UST: variants seen among roughly 807,000 people sequenced by gnomAD.
UST encodes the protein uronyl 2-sulfotransferase, also known as chondroitin sulfate 2-O-sulfotransferase.
In UST, 21 loss-of-function variants were observed where a neutral mutation model predicts 45.6. The ratio of observed to expected loss-of-function variants is 0.46; its 90% CI spans 0.33 to 0.66. The LOEUF (loss-of-function observed/expected upper bound fraction) is 0.66. Among genes scored for constraint, UST ranks in the 30% least tolerant of loss-of-function variants. The pLI, the probability that UST is intolerant of heterozygous loss-of-function variation, is 0.02. For missense variants in UST, 463 were observed against 512.4 expected, an observed-to-expected ratio of 0.90 and a Z score of 0.93; for synonymous variants, 215 against 200.6, an observed-to-expected ratio of 1.07 and a Z score of -0.61.
At chr6:149,058,777 A>G (rs1776609328) in intron 7 of UST, among the ~76,000 whole-genome samples, 1 of 152,230 alleles carries the variant, frequency 6.6e-6, no homozygotes, top group Non-Finnish European at 1.5e-5. Flanking sequence ...TTTTTTTAGA[A>G]GTAGATATTT....
intron 1 of UST, among the ~76,000 whole-genome samples, chr6:148,820,968 CTTT>C (rs71007920): frequency 5.5e-5 from 5 of 91,226 alleles, no homozygotes; most frequent in Non-Finnish European, 1.0e-4. Flanking sequence ...TTTTTAATTC[CTTT>C]TTTTTTTTTT....
chr6:148,747,829 G>T (rs1204283613), intron 1 of UST, 152 bp downstream of exon 1: 9 of 1,066,768 alleles, frequency 8.4e-6, no homozygotes, highest in Admixed American at 4.1e-5. Context: ...TCTGTGCCGC[G>T]GTCGGGAGCG....
chr6:148,946,724 T>G (rs4895776), intron 3 of UST, among the ~76,000 whole-genome samples: 68,926 of 140,736 alleles, frequency 0.49, 18,154 homozygotes, highest in African/African-American at 0.73. Flanking sequence ...TGAGGCAGGA[T>G]AATGGCCTGA....
chr6:149,040,552 G>A (rs1015462769), intron 7 of UST, among the ~76,000 whole-genome samples: 1 of 152,178 alleles, frequency 6.6e-6, no homozygotes, highest in African/African-American at 2.4e-5. Flanking sequence ...CTACTCGGGA[G>A]GCTGAGGCAG....
chr6:148,993,896 A>T (rs1158445515), intron 5 of UST, among the ~76,000 whole-genome samples: 1 of 150,484 alleles, frequency 6.6e-6, no homozygotes, highest in African/African-American at 2.5e-5. Flanking sequence ...CAGCCTGCAG[A>T]TCACTGGGTC....
intron 1 of UST, among the ~76,000 whole-genome samples, chr6:148,864,380 T>C (rs6915677): frequency 0.39 from 59,220 of 152,164 alleles, 13,896 homozygotes; most frequent in African/African-American, 0.66. Context: ...GGGAGTGACC[T>C]GATTTTCCAG....
At chr6:148,868,654 T>C (rs1778492024) in intron 1 of UST, among the ~76,000 whole-genome samples, 1 of 152,156 alleles carries the variant, frequency 6.6e-6, no homozygotes, top group Non-Finnish European at 1.5e-5. Flanking sequence ...TTCAGAATCA[T>C]ACTACAAGTG....
intron 7 of UST, among the ~76,000 whole-genome samples, chr6:149,037,196 G>C (rs1562336169): frequency 1.3e-5 from 2 of 152,156 alleles, no homozygotes; most frequent in African/African-American, 4.8e-5. Flanking sequence ...TGCTCCGGTA[G>C]CAGGAGCAGC....
At chr6:148,747,803 G>C in intron 1 of UST, 126 bp downstream of exon 1, 1 of 1,254,396 alleles carries the variant, frequency 8.0e-7, no homozygotes, top group East Asian at 3.1e-5. Context: ...CTCTCCAGGT[G>C]CTAAGCCCGT....
intron 1 of UST, among the ~76,000 whole-genome samples, chr6:148,783,022 CTTATT>C (rs1359781139): frequency 6.6e-6 from 1 of 152,160 alleles, no homozygotes; most frequent in Non-Finnish European, 1.5e-5. Flanking sequence ...TCGTTGTTGT[CTTATT>C]TTAAGAAAGT....
chr6:148,825,820 G>A (rs779071877), intron 1 of UST, among the ~76,000 whole-genome samples: 1 of 152,196 alleles, frequency 6.6e-6, no homozygotes, highest in Non-Finnish European at 1.5e-5. Flanking sequence ...CTAGAATAAT[G>A]TGGCATCTGG....
chr6:148,941,704 C>T (rs1336191899), intron 3 of UST, among the ~76,000 whole-genome samples: 4 of 152,152 alleles, frequency 2.6e-5, no homozygotes, highest in Admixed American at 2.0e-4. Context: ...CTAAAATTAG[C>T]GATATATACA....
chr6:148,781,567 A>T (rs1211698422), intron 1 of UST, among the ~76,000 whole-genome samples: 1 of 152,102 alleles, frequency 6.6e-6, no homozygotes, highest in African/African-American at 2.4e-5. Flanking sequence ...CATCTAGGAG[A>T]TCTAGCTAGG....
intron 1 of UST, among the ~76,000 whole-genome samples, chr6:148,880,344 C>G (rs1189153666): frequency 6.6e-6 from 1 of 152,196 alleles, no homozygotes; most frequent in Non-Finnish European, 1.5e-5. Context: ...CCAGCTGAGA[C>G]CCAGGTGTAG....
chr6:148,910,217 C>T (rs1254433696), intron 2 of UST, among the ~76,000 whole-genome samples: 1 of 148,464 alleles, frequency 6.7e-6, no homozygotes, highest in East Asian at 2.0e-4. Flanking sequence ...CTTGGCTCAC[C>T]ACAACCTCCG....
chr6:148,748,797 T>A lies in UST; in HGVS notation c.247+1120T>A, dbSNP rs568068706. Among the ~76,000 whole-genome samples the A allele has an allele frequency of 9.2e-5, 14 of 151,876 alleles. No homozygotes were observed. The East Asian group carries it at 2.7e-3, about 29-fold the overall frequency. On this transcript the variant is annotated intron_variant, in intron 1 of 7. Transcript: ENST00000367463. This position sits in a 1 kb window ranked among gnomAD's most constrained non-coding sequence, Gnocchi z 5.3. ...GTGCGGGGAAGCAGAGCCACCGAAG[T>A]GCTGGAAAGAAAATGGGCCAAATGA...
chr6:148,895,445 G>C (rs1404098356), intron 2 of UST, among the ~76,000 whole-genome samples: 1 of 152,312 alleles, frequency 6.6e-6, no homozygotes, highest in South Asian at 2.1e-4. Flanking sequence ...AAGGAAGTCT[G>C]CTGTCTCTCA....
chr6:148,773,449 A>G (rs1776470896), intron 1 of UST, among the ~76,000 whole-genome samples: 1 of 152,010 alleles, frequency 6.6e-6, no homozygotes, highest in African/African-American at 2.4e-5. Context: ...TGACAAGAGC[A>G]AAACTCTGTC....
At position 148,858,947 on chromosome 6, in the gene UST, C is replaced by T. The variant is rs565287007; in HGVS notation, c.248-28039C>T. ...AAGTCTTTGCTGTTGTGAATAGTGC[C>T]GCAATAAACATACGTGTGCATGTGT... On this transcript the variant is annotated intron_variant, in intron 1 of 7. Transcript: ENST00000367463. Among the ~76,000 whole-genome samples the T allele has an allele frequency of 9.2e-5, 14 of 152,134 alleles. No individual in the cohort carries two copies. In the East Asian group the frequency reaches 1.9e-3, roughly 21 times the overall value.
Sources: allele counts gnomAD v4.1 joint callset (sites outside exome capture counted in the v4.1 genomes callset), GRCh38; gene constraint gnomAD v4.1.1; non-coding constraint Gnocchi (gnomAD v3.1); transcripts MANE v1.5; gene names NCBI Gene and HGNC (gene_info 2026-07-23, HGNC 2026-07-21).